The following VWC2L variants were observed in gnomAD, a reference collection of about 807,000 sequenced individuals.
VWC2L encodes von Willebrand factor C domain-containing protein 2-like.
VWC2L carries 10 observed loss-of-function variants against 21.6 expected under a neutral mutation model. The observed-to-expected ratio is 0.46, with a 90% confidence interval of 0.29 to 0.78. The LOEUF (loss-of-function observed/expected upper bound fraction) is 0.78, where lower values mean the gene tolerates loss of function less well. VWC2L is among the 30% of genes least tolerant of loss of function. The pLI, the probability that VWC2L is intolerant of heterozygous loss-of-function variation, is 0.10. For missense variants in VWC2L, 209 were observed against 277.1 expected (o/e 0.75, Z 1.74); for synonymous variants, 96 against 94.3 (o/e 1.02, Z -0.10).
chr2:214,421,983 G>A (rs553970514), intron 2 of VWC2L, among the ~76,000 whole-genome samples: 18 of 132,902 alleles, frequency 1.4e-4, no homozygotes, highest in African/African-American at 4.4e-4. Context: ...TCCGCCTCCC[G>A]GGTTCACGCC....
chr2:214,464,526 G>C (rs540624279), intron 3 of VWC2L, among the ~76,000 whole-genome samples: 30 of 152,222 alleles, frequency 2.0e-4, no homozygotes, highest in Admixed American at 1.2e-3. Flanking sequence ...CCTGGAGCTG[G>C]AGAAGGTGTG....
chr2:214,465,224 G>T (rs956364068), intron 3 of VWC2L, among the ~76,000 whole-genome samples: 1 of 152,268 alleles, frequency 6.6e-6, no homozygotes, highest in Admixed American at 6.5e-5. Flanking sequence ...GGTCACCACA[G>T]CTGGGAATGC....
intron 3 of VWC2L, among the ~76,000 whole-genome samples, chr2:214,469,129 A>G (rs1257723229): frequency 6.6e-6 from 1 of 152,228 alleles, no homozygotes; most frequent in African/African-American, 2.4e-5. Context: ...GAATTAAAAC[A>G]GTGATGAAAA....
intron 3 of VWC2L, among the ~76,000 whole-genome samples, chr2:214,480,237 A>G (rs952282578): frequency 6.6e-6 from 1 of 152,204 alleles, no homozygotes; most frequent in Non-Finnish European, 1.5e-5. Context: ...ATTCTTACTA[A>G]TTCCTGATAT....
At chr2:214,433,026 A>AG (rs1702623222) in intron 2 of VWC2L, among the ~76,000 whole-genome samples, 1 of 149,460 alleles carries the variant, frequency 6.7e-6, no homozygotes, top group Non-Finnish European at 1.5e-5. Flanking sequence ...CATCTCAAGA[A>AG]GAAAAAAAAA....
chr2:214,542,610 C>T (rs1029354677), intron 3 of VWC2L, among the ~76,000 whole-genome samples: 6 of 152,234 alleles, frequency 3.9e-5, no homozygotes, highest in African/African-American at 7.2e-5. Flanking sequence ...CACGCAGTGA[C>T]GGGGTGCCCT....
intron 3 of VWC2L, among the ~76,000 whole-genome samples, chr2:214,480,864 CAAAAAAAAAA>C (rs59720596): frequency 0.29 from 21,375 of 73,472 alleles, 2,045 homozygotes; most frequent in East Asian, 0.45. Context: ...TATGCCAAGC[CAAAAAAAAAA>C]AAAAAAAAAA....
At chr2:214,461,307 C>T (rs527236920) in intron 3 of VWC2L, among the ~76,000 whole-genome samples, 10 of 152,132 alleles carry the variant, frequency 6.6e-5, no homozygotes, top group African/African-American at 2.4e-4. Context: ...TCCTCATACC[C>T]CTGGGCAGTT....
chr2:214,423,297 GA>G (rs1702470826), intron 2 of VWC2L, among the ~76,000 whole-genome samples: 1 of 152,100 alleles, frequency 6.6e-6, no homozygotes, highest in Admixed American at 6.5e-5. Context: ...ATCTAAAACA[GA>G]ACTTTGAAAT....
At chr2:214,504,405 G>GA (rs1688938768) in intron 3 of VWC2L, among the ~76,000 whole-genome samples, 1 of 152,194 alleles carries the variant, frequency 6.6e-6, no homozygotes, top group Non-Finnish European at 1.5e-5. Flanking sequence ...ACTAGTGATA[G>GA]AGGGCATGGT....
chr2:214,454,733 G>A (rs921848715), intron 3 of VWC2L, among the ~76,000 whole-genome samples: 5 of 149,570 alleles, frequency 3.3e-5, no homozygotes, highest in African/African-American at 1.2e-4. Flanking sequence ...CCTCCGAGTA[G>A]CTGGGACTAC....
intron 3 of VWC2L, among the ~76,000 whole-genome samples, chr2:214,464,118 T>A (rs898210032): frequency 4.6e-5 from 7 of 152,162 alleles, no homozygotes; most frequent in Non-Finnish European, 8.8e-5. Context: ...GTCTGAACGG[T>A]CACATATCTT....
chr2:214,540,177 A>G (rs1186948877), intron 3 of VWC2L, among the ~76,000 whole-genome samples: 1 of 152,190 alleles, frequency 6.6e-6, no homozygotes, highest in East Asian at 1.9e-4. Context: ...TTTGCACTGG[A>G]AAACTGAGTT....
chr2:214,558,502 C>T (rs1431243081), intron 3 of VWC2L, among the ~76,000 whole-genome samples: 1 of 152,186 alleles, frequency 6.6e-6, no homozygotes, highest in East Asian at 1.9e-4. Flanking sequence ...AAATTAGAAA[C>T]TTAAGGAGCA....
Position 214,565,758 on chromosome 2 carries a change from T to G in VWC2L, c.521-9914T>G, listed in dbSNP as rs73987409. 8.2e-3 allele frequency among the ~76,000 whole-genome samples: 1,242 copies of G among 152,334 alleles called. 15 individuals carry two copies. The highest frequency in any genetic ancestry group is 0.029 in the African/African-American group (1,196 of 41,568). On this transcript the variant is annotated intron_variant, in intron 3 of 3. Transcript: ENST00000312504. Reference sequence around the variant, plus strand: ...AACTTAACATTTTTTTGTGCCCTACTGTGTGACAGGAACTGTTCTAAGTGC... The same window carrying G: ...AACTTAACATTTTTTTGTGCCCTACGGTGTGACAGGAACTGTTCTAAGTGC...
intron 3 of VWC2L, among the ~76,000 whole-genome samples, chr2:214,525,988 A>G (rs1474094303): frequency 6.6e-6 from 1 of 152,056 alleles, no homozygotes; most frequent in Non-Finnish European, 1.5e-5. Context: ...ACAGTGTTCT[A>G]TATGTATATA....
chr2:214,565,963 T>G (rs987437078), intron 3 of VWC2L, among the ~76,000 whole-genome samples: 2 of 152,136 alleles, frequency 1.3e-5, no homozygotes, highest in Admixed American at 6.5e-5. Flanking sequence ...ATTTTATCCT[T>G]TTACTCCTAT....
chr2:214,469,457 T>C (rs184665309), intron 3 of VWC2L, among the ~76,000 whole-genome samples: 41 of 152,196 alleles, frequency 2.7e-4, no homozygotes, highest in Non-Finnish European at 5.0e-4. Flanking sequence ...AAGCCGCGTG[T>C]GGTGGCGGGC....
At chr2:214,513,443 C>T (rs987955949) in intron 3 of VWC2L, among the ~76,000 whole-genome samples, 1 of 151,982 alleles carries the variant, frequency 6.6e-6, no homozygotes, top group Non-Finnish European at 1.5e-5. Context: ...TTCATTTTAC[C>T]ATTAGGCTGT....
Sources: gnomAD v4.1 joint callset for allele counts (sites outside exome capture counted in the v4.1 genomes callset) on GRCh38, gnomAD v4.1.1 for gene constraint, MANE v1.5 for transcripts, NCBI Gene and HGNC (gene_info 2026-07-23, HGNC 2026-07-21) for gene names.